RNF128: variants seen among roughly 807,000 people sequenced by gnomAD.
RNF128 encodes the protein ring finger protein 128, also known as E3 ubiquitin-protein ligase RNF128.
In RNF128, 13 loss-of-function variants were observed where a neutral mutation model predicts 26.2. That is an observed-to-expected ratio of 0.50 (90% CI 0.32 to 0.79). RNF128 has a LOEUF of 0.79. RNF128 is among the 30% of genes least tolerant of loss of function. The pLI is 0.03. For missense variants in RNF128, 315 were observed against 349.7 expected, an observed-to-expected ratio of 0.90 and a Z score of 0.79; for synonymous variants, 149 against 142.5, an observed-to-expected ratio of 1.05 and a Z score of -0.32.
At chrX:106,715,494 T>A (rs747058776) in intron 1 of RNF128, among the ~76,000 whole-genome samples, 11 of 112,116 alleles carry the variant, frequency 9.8e-5, no homozygotes, top group East Asian at 2.8e-4. Context: ...GGATTTTTTT[T>A]AATTGGCTAT....
intron 1 of RNF128, among the ~76,000 whole-genome samples, chrX:106,732,585 G>A (rs1190415920): frequency 9.0e-6 from 1 of 111,261 alleles, no homozygotes; most frequent in Non-Finnish European, 1.9e-5. Flanking sequence ...TCTTGCCTGA[G>A]TATACAAAAT....
intron 1 of RNF128, among the ~76,000 whole-genome samples, chrX:106,731,632 C>CTATCCCAAGT (rs1929503984): frequency 9.0e-6 from 1 of 111,485 alleles, no homozygotes; most frequent in Non-Finnish European, 1.9e-5. Flanking sequence ...CTCTTTAAAA[C>CTATCCCAAGT]TATCCCAAGT....
Position 106,790,199 on chromosome X carries a change from A to G in RNF128, c.901A>G (p.Lys301Glu). 1.7e-6 allele frequency: 2 copies of G among 1,194,541 alleles called. No individual in the cohort carries two copies. The highest frequency in any genetic ancestry group is 2.2e-5 in the Admixed American group (1 of 45,526). ...RILTCNHIFH[K>E]TCVDPWLLEH... ...TTCCTGAATTAGCCATATTTTCCAT[A>G]AGACATGTGTTGACCCATGGCTGTT... Residue 301 changes from lysine (K) to glutamate (E), a missense_variant, in exon 5 of 7, where the codon AAG becomes GAG. By Grantham distance (56) the Lys-to-Glu change is moderately conservative. Coordinates refer to ENST00000255499, the MANE Select transcript of RNF128 (RefSeq NM_194463.2).
At chrX:106,771,620 G>A (rs1204595391) in intron 1 of RNF128, among the ~76,000 whole-genome samples, 2 of 112,541 alleles carry the variant, frequency 1.8e-5, no homozygotes, top group African/African-American at 6.5e-5. Context: ...GTATTAGAGT[G>A]GGAGTGTCCC....
chrX:106,709,403 C>T (rs1603081200), intron 1 of RNF128, among the ~76,000 whole-genome samples: 1 of 111,896 alleles, frequency 8.9e-6, no homozygotes, highest in African/African-American at 3.2e-5. Context: ...TTGTCTCATT[C>T]AAGCAATAAT....
At chrX:106,712,471 A>C (rs374932929) in intron 1 of RNF128, among the ~76,000 whole-genome samples, 15 of 112,743 alleles carry the variant, frequency 1.3e-4, no homozygotes, top group African/African-American at 4.8e-4. Flanking sequence ...AGATCATTAG[A>C]GCTTTGATAA....
chrX:106,768,444 G>A (rs376290873), intron 1 of RNF128, among the ~76,000 whole-genome samples: 1 of 111,606 alleles, frequency 9.0e-6, no homozygotes, highest in African/African-American at 3.3e-5. Context: ...TTAGTCTTGG[G>A]AGGGTGTATG....
chrX:106,788,379 ATTATATATAATATATATT>A (rs1930708300), intron 4 of RNF128, among the ~76,000 whole-genome samples: 1 of 47,031 alleles, frequency 2.1e-5, no homozygotes, highest in Admixed American at 4.0e-4. Context: ...TATATTATAT[ATTATATATAATATATATT>A]ATATATAATA....
At chrX:106,723,238 A>G (rs771156783), upstream of RNF128, among the ~76,000 whole-genome samples, 6 of 112,155 alleles carry the variant, frequency 5.3e-5, no homozygotes, top group Non-Finnish European at 7.5e-5. Context: ...ATGTATGTGT[A>G]TACACATGTG....
At chrX:106,773,362 T>A (rs1930410651) in intron 2 of RNF128, among the ~76,000 whole-genome samples, 1 of 112,099 alleles carries the variant, frequency 8.9e-6, no homozygotes, top group Non-Finnish European at 1.9e-5. Context: ...TCCTACCTGA[T>A]TAAATTTTCT....
intron 1 of RNF128, among the ~76,000 whole-genome samples, chrX:106,768,292 A>AC (rs958399256): frequency 8.9e-6 from 1 of 111,871 alleles, no homozygotes; most frequent in Non-Finnish European, 1.9e-5. Context: ...AAGGAATGGT[A>AC]CCAGCTTCTC....
At chrX:106,789,343 TTTATA>T (rs1284440622) in intron 4 of RNF128, among the ~76,000 whole-genome samples, 6 of 97,524 alleles carry the variant, frequency 6.2e-5, no homozygotes, top group Admixed American at 2.5e-4. Flanking sequence ...TTTATGTGTA[TTTATA>T]TTATATTATG....
At position 106,727,183 on chromosome X, in the gene RNF128, C is replaced by G. The variant is rs575271656; in HGVS notation, c.270C>G (p.Pro90=). Reference sequence around the variant, plus strand: ...GGGTCCTGGTACCGCCCGACGGGCCCGGGGCGCTTAACGCCTGTAACCCGC... The same window carrying G: ...GGGTCCTGGTACCGCCCGACGGGCCGGGGGCGCTTAACGCCTGTAACCCGC... The part of the protein sequence containing the change: ...VAGVLVPPDG[P]GALNACNPHT... Residue 90 remains proline, a synonymous_variant, in exon 1 of 7, where the codon CCC becomes CCG. Transcript: ENST00000255499. 31 of 1,209,818 alleles carry G rather than the reference C, an allele frequency of 2.6e-5. No homozygotes were observed. In the South Asian group the frequency reaches 5.5e-4, roughly 21 times the overall value.
chrX:106,744,660 C>T lies in RNF128; in HGVS notation c.484+17263C>T, dbSNP rs190629947. On this transcript the variant is annotated intron_variant, in intron 1 of 6. Transcript: ENST00000255499. ...ATTTTTAGTAGAGACGGGGTTTCAC[C>T]GTGTTAACCAGGATGGTCTCTATCT... Among the ~76,000 whole-genome samples the T allele has an allele frequency of 4.4e-3, 489 of 110,500 alleles. 3 individuals carry two copies. Among genetic ancestry groups the T allele is most frequent in the Non-Finnish European group, 6.2e-3 (330 of 52,967 alleles).
At chrX:106,717,182 G>A (rs1400834386) in intron 1 of RNF128, among the ~76,000 whole-genome samples, 2 of 106,584 alleles carry the variant, frequency 1.9e-5, no homozygotes, top group Non-Finnish European at 3.9e-5. Flanking sequence ...AAGCCTGGGC[G>A]ACAGAGCGAG....
chrX:106,726,699 C>A, upstream of RNF128: 1 of 1,024,263 alleles, frequency 9.8e-7, no homozygotes, highest in Non-Finnish European at 1.2e-6. Context: ...GACGCGGCAG[C>A]CGCGGTAGCG....
chrX:106,702,597 GCAGCAAGGA>G (rs1482084283), intron 1 of RNF128, among the ~76,000 whole-genome samples: 1 of 111,476 alleles, frequency 9.0e-6, no homozygotes, highest in East Asian at 2.8e-4. Flanking sequence ...CATTCCCTAG[GCAGCAAGGA>G]CATCATATAA....
intron 2 of RNF128, 96 bp downstream of exon 2, chrX:106,773,256 A>C: frequency 1.2e-6 from 1 of 852,232 alleles, no homozygotes; most frequent in Non-Finnish European, 1.7e-6. Context: ...CTTGCTAGAC[A>C]ATGATCTCCC....
At chrX:106,756,255 T>C (rs1187534924) in intron 1 of RNF128, among the ~76,000 whole-genome samples, 2 of 110,524 alleles carry the variant, frequency 1.8e-5, no homozygotes, top group African/African-American at 6.6e-5. Context: ...TCATATGGAA[T>C]CAAAAAAGAG....
Sources: allele counts gnomAD v4.1 joint callset (sites outside exome capture counted in the v4.1 genomes callset), GRCh38; gene constraint gnomAD v4.1.1; transcripts MANE v1.5; gene names NCBI Gene and HGNC (gene_info 2026-07-23, HGNC 2026-07-21).